Variants in TACC2 observed in about 807,000 individuals in gnomAD.
TACC2 encodes the protein transforming acidic coiled-coil-containing protein 2.
Under a neutral mutation model 227.3 loss-of-function variants are expected in TACC2, and 137 were observed. The ratio of observed to expected loss-of-function variants is 0.60; its 90% CI spans 0.52 to 0.69. The LOEUF is 0.69. TACC2 is among the 30% of genes least tolerant of loss of function. The pLI, the probability that TACC2 is intolerant of heterozygous loss-of-function variation, is 0.00. For missense variants in TACC2, 3,470 were observed against 3,694.4 expected, an observed-to-expected ratio of 0.94 and a Z score of 1.57; for synonymous variants, 1,523 against 1,487.5, an observed-to-expected ratio of 1.02 and a Z score of -0.55.
chr10:121,989,935 TTA>T (rs1256862202), intron 1 of TACC2, among the ~76,000 whole-genome samples: 1 of 151,876 alleles, frequency 6.6e-6, no homozygotes, highest in Non-Finnish European at 1.5e-5. Flanking sequence ...GGAAATATTT[TTA>T]TGTTACCACC....
Position 122,169,781 on chromosome 10 carries a change from C to T in TACC2, c.5835-25259C>T, listed in dbSNP as rs1427527215. Among the ~76,000 whole-genome samples, 6 of 152,148 alleles carry T rather than the reference C, an allele frequency of 3.9e-5. No homozygotes were observed. The East Asian group carries it at 1.2e-3, about 29-fold the overall frequency. On this transcript the variant is annotated intron_variant, in intron 7 of 22. Transcript: ENST00000369005. ...TTTCCTTTTTTTTGAGACAGGGTCT[C>T]GCTCTGTCACCCAGACTGGAGCACA...
At chr10:122,151,378 G>A (rs566481501) in intron 7 of TACC2, among the ~76,000 whole-genome samples, 9 of 152,202 alleles carry the variant, frequency 5.9e-5, no homozygotes, top group Non-Finnish European at 7.3e-5. Context: ...GGGCAAAAGT[G>A]CTTCAGGGAA....
chr10:122,122,384 G>A (rs1365662571), intron 5 of TACC2, among the ~76,000 whole-genome samples: 1 of 151,868 alleles, frequency 6.6e-6, no homozygotes, highest in Admixed American at 6.6e-5. Context: ...TAAATAACTT[G>A]TCTGCCTTCT....
chr10:122,163,030 C>G (rs1474255893), intron 7 of TACC2, among the ~76,000 whole-genome samples: 1 of 152,062 alleles, frequency 6.6e-6, no homozygotes. Flanking sequence ...TAGCTTGCCC[C>G]AGGCCCTCAG....
chr10:122,049,361 C>A (rs1017872144), intron 2 of TACC2, among the ~76,000 whole-genome samples: 2 of 152,178 alleles, frequency 1.3e-5, no homozygotes, highest in African/African-American at 4.8e-5. Flanking sequence ...GGTGACTTCC[C>A]GACTCACCTT....
At chr10:122,078,383 ATG>A (rs2079076922) in intron 3 of TACC2, among the ~76,000 whole-genome samples, 3 of 151,866 alleles carry the variant, frequency 2.0e-5, no homozygotes, top group Admixed American at 2.0e-4. Flanking sequence ...TAAGCATTGC[ATG>A]TGTGTGTGTT....
At chr10:121,991,909 C>T (rs1412943474) in intron 1 of TACC2, among the ~76,000 whole-genome samples, 1 of 152,174 alleles carries the variant, frequency 6.6e-6, no homozygotes, top group Non-Finnish European at 1.5e-5. Flanking sequence ...CAAGTCACAT[C>T]TTACATGGAT....
At chr10:122,033,012 A>C (rs1959170141) in intron 2 of TACC2, 3 of 867,038 alleles carry the variant, frequency 3.5e-6, no homozygotes, top group Non-Finnish European at 3.3e-6. Context: ...AAACAAAAAA[A>C]CCCCACAAAA....
intron 3 of TACC2, among the ~76,000 whole-genome samples, chr10:122,078,719 G>A (rs889608916): frequency 6.6e-6 from 1 of 152,254 alleles, no homozygotes; most frequent in African/African-American, 2.4e-5. Context: ...CAACAGATCA[G>A]TTCTTAGAAT....
rs2080125088 is a variant in TACC2 at position 122,086,672 on chromosome 10, G to T, written c.4172G>T (p.Gly1391Val). 3 of 1,612,720 alleles carry T rather than the reference G, an allele frequency of 1.9e-6. No individual in the cohort carries two copies. The highest frequency in any genetic ancestry group is 1.3e-5 in the African/African-American group (1 of 75,078). ...SQDPKQGTSGGVDTSSEQIAT... is the reference protein window; with the variant it reads ...SQDPKQGTSGVVDTSSEQIAT... ...GACCCAAAGCAGGGCACATCAGGTG[G>T]TGTGGACACAAGCTCTGAGCAAATC... The change falls in exon 4 of 23, where the codon GGT (glycine) becomes GTT (valine). Residue 1391 changes from glycine (G) to valine (V), a missense_variant. Gly to Val is a moderately radical substitution (Grantham distance 109). This residue lies in a region of TACC2 where 1,924 missense variants were observed against 1,978.3 expected (regional missense o/e 0.97). Transcript: ENST00000369005.
At chr10:122,146,305 A>G (rs2091366400) in intron 7 of TACC2, among the ~76,000 whole-genome samples, 1 of 152,172 alleles carries the variant, frequency 6.6e-6, no homozygotes, top group Admixed American at 6.5e-5. Flanking sequence ...AGTTATCAAT[A>G]TATTGATACA....
chr10:122,026,057 G>A (rs1411610646), intron 2 of TACC2, among the ~76,000 whole-genome samples: 3 of 149,916 alleles, frequency 2.0e-5, no homozygotes, highest in South Asian at 2.1e-4. Flanking sequence ...AGTGGCTCAC[G>A]CCTGTAATCC....
At chr10:122,226,587 C>G in intron 13 of TACC2, 106 bp downstream of exon 13, 2 of 760,374 alleles carry the variant, frequency 2.6e-6, no homozygotes, top group South Asian at 3.6e-5. Context: ...TAGATTCAGG[C>G]GGCTGACATG....
Position 122,096,175 on chromosome 10 carries a change from G to T in TACC2, c.5573+7584G>T, listed in dbSNP as rs763302078. Among the ~76,000 whole-genome samples, 3 of 152,142 alleles carry T rather than the reference G, an allele frequency of 2.0e-5. No homozygotes were observed. In the South Asian group the frequency reaches 6.2e-4, roughly 31 times the overall value. On this transcript the variant is annotated intron_variant, in intron 5 of 22. Coordinates refer to ENST00000369005, the MANE Select transcript of TACC2 (RefSeq NM_206862.4). Reference sequence around the variant, plus strand: ...GCTGAGGTGTGTTCGTGGCACATCTGCCCAGTAATGCGGATCAGCAGGAGG... The same window carrying T: ...GCTGAGGTGTGTTCGTGGCACATCTTCCCAGTAATGCGGATCAGCAGGAGG...
In TACC2 at chr10:122,180,424, G is replaced by A. The variant is rs542045423; in HGVS notation, c.5835-14616G>A. On this transcript the variant is annotated intron_variant, in intron 7 of 22. Transcript: ENST00000369005. This position sits in a 1 kb window ranked among gnomAD's most constrained non-coding sequence, Gnocchi z 4.5. ...GCAATTTCAGCTCACTGCAAGCTCC[G>A]CTTCCCAGGTTCACGCCATTCTCCT... 5.3e-5 allele frequency among the ~76,000 whole-genome samples: 8 copies of A among 150,490 alleles called. No homozygotes were observed. Among genetic ancestry groups the A allele is most frequent in the East Asian group, 2.0e-4 (1 of 4,948 alleles).
chr10:122,224,240 G>A (rs1243563105), intron 11 of TACC2, among the ~76,000 whole-genome samples: 2 of 152,170 alleles, frequency 1.3e-5, no homozygotes, highest in East Asian at 3.9e-4. Context: ...AGCGCTGAAG[G>A]AACAATATCG....
Position 122,176,107 on chromosome 10 carries a change from CTCTCTCTCTCTATATA to C in TACC2, c.5835-18931_5835-18916del, listed in dbSNP as rs1327158062. 8.7e-3 allele frequency among the ~76,000 whole-genome samples: 614 copies of C among 70,412 alleles called. 1 individual carries two copies. The highest frequency in any genetic ancestry group is 0.042 in the African/African-American group (539 of 12,904). 46.2% of individuals were successfully genotyped at this position (70,412 alleles called of 152,430 possible). A position where few individuals can be genotyped will look rare whatever the true frequency, so the allele number is the denominator to read the frequency against. ...TCTCTCTCTCTCTCTCTCTCTCTCT[CTCTCTCTCTCTATATA>C]TATATATATATATATATATATATGA... On this transcript the variant is annotated intron_variant, in intron 7 of 22. Transcript: ENST00000369005.
intron 2 of TACC2, among the ~76,000 whole-genome samples, chr10:122,045,087 G>A (rs1428273038): frequency 6.6e-6 from 1 of 152,174 alleles, no homozygotes; most frequent in Non-Finnish European, 1.5e-5. Flanking sequence ...TGGCAAAAGC[G>A]AGAGTTCCCA....
At chr10:122,172,954 C>G (rs1592910801) in intron 7 of TACC2, among the ~76,000 whole-genome samples, 1 of 152,126 alleles carries the variant, frequency 6.6e-6, no homozygotes, top group Admixed American at 6.5e-5. Context: ...GGCTTGTGAC[C>G]AGGAGCCTGG....
Sources: allele counts gnomAD v4.1 joint callset (sites outside exome capture counted in the v4.1 genomes callset), GRCh38; gene constraint gnomAD v4.1.1; regional missense constraint gnomAD v4.1.1; non-coding constraint Gnocchi (gnomAD v3.1); transcripts MANE v1.5; gene names NCBI Gene and HGNC (gene_info 2026-07-23, HGNC 2026-07-21).